The following TRMT11 variants were observed in gnomAD, a reference collection of about 807,000 sequenced individuals.
The protein encoded by TRMT11 is tRNA methyltransferase 11, also known as tRNA (guanine(10)-N(2))-methyltransferase TRMT11.
In TRMT11, 53 loss-of-function variants were observed where a neutral mutation model predicts 62.8. The ratio of observed to expected loss-of-function variants is 0.84; its 90% CI spans 0.68 to 1.06. The LOEUF is 1.06. Ranked by LOEUF, TRMT11 falls within the 50% of genes least tolerant of loss-of-function variation. The pLI, the probability that TRMT11 is intolerant of heterozygous loss-of-function variation, is 0.00. For missense variants in TRMT11, 556 were observed against 553.4 expected (o/e 1.00, Z -0.05); for synonymous variants, 188 against 190.3 (o/e 0.99, Z 0.10).
chr6:126,110,210 C>A (rs1777515361), intron 17 of TRMT11, among the ~76,000 whole-genome samples: 1 of 152,038 alleles, frequency 6.6e-6, no homozygotes, highest in African/African-American at 2.4e-5. Flanking sequence ...TTTTGGGGGG[C>A]ATTTAATGAA....
chr6:126,247,943 C>T, the TRMT11 span, among the ~76,000 whole-genome samples: 1,445 of 152,134 alleles, frequency 9.5e-3, 17 homozygotes, highest in African/African-American at 0.032. Context: ...AAGACCACAG[C>T]TATACAGAGG....
In TRMT11 at chr6:125,996,029, A is replaced by C. The variant is rs1214000033; in HGVS notation, c.201A>C (p.Thr67=). The C allele has an allele frequency of 1.9e-6, 3 of 1,608,946 alleles. No homozygotes were observed. Among genetic ancestry groups the C allele is most frequent in the Non-Finnish European group, 2.6e-6 (3 of 1,175,430 alleles). Residue 67 remains threonine, a synonymous_variant, in exon 3 of 13, where the codon ACA becomes ACC. Coordinates refer to ENST00000334379, the MANE Select transcript of TRMT11 (RefSeq NM_001031712.3). ...EDIARNLMKR[T]VCAKSIFELW... ...TTGCAAGAAATTTGATGAAACGGAC[A>C]GTGTGTGCCAAGTAAGAGAAACTTA...
At chr6:126,257,977 C>T in the TRMT11 span, 2 of 1,560,828 alleles carry the variant, frequency 1.3e-6, no homozygotes, top group Non-Finnish European at 1.8e-6. Flanking sequence ...TCCAGCAGGT[C>T]AGGGATGAAG....
At chr6:126,200,615 C>T (rs573399811) in intron 3 of TRMT11, among the ~76,000 whole-genome samples, 1 of 152,302 alleles carries the variant, frequency 6.6e-6, no homozygotes, top group African/African-American at 2.4e-5. Context: ...AGTGCAGTGG[C>T]ACAATCTCGG....
the TRMT11 span, among the ~76,000 whole-genome samples, chr6:126,249,656 A>T: frequency 2.6e-5 from 4 of 152,166 alleles, no homozygotes; most frequent in African/African-American, 9.6e-5. Flanking sequence ...CTTAATAAAT[A>T]AAAATATGCC....
rs1405474093 is a variant in TRMT11 at position 125,986,630 on chromosome 6, C to T, written c.72+8C>T. On this transcript the variant is annotated splice_region_variant and intron_variant, in intron 1 of 12. Coordinates refer to ENST00000334379, the MANE Select transcript of TRMT11 (RefSeq NM_001031712.3). ...CTGGAGTTCCGCCTGCCGGTGAGTC[C>T]GTAGCGCCCTCCGGAACTTCCGACG... The T allele has an allele frequency of 6.3e-7, 1 of 1,577,212 alleles. No homozygotes were observed. Among genetic ancestry groups the T allele is most frequent in the Non-Finnish European group, 8.6e-7 (1 of 1,162,958 alleles).
At chr6:126,258,270 G>C in the TRMT11 span, 1 of 531,896 alleles carries the variant, frequency 1.9e-6, no homozygotes, top group Non-Finnish European at 3.7e-6. Context: ...CTGGGGGGTG[G>C]GCTCTGAAAG....
At chr6:126,189,518 A>C (rs994645170) in intron 1 of TRMT11, among the ~76,000 whole-genome samples, 2 of 152,094 alleles carry the variant, frequency 1.3e-5, no homozygotes. Flanking sequence ...TTTCCCAATA[A>C]AATTTTATAG....
intron 11 of TRMT11, 91 bp downstream of exon 11, chr6:126,013,192 G>T (rs559078451): frequency 1.7e-6 from 2 of 1,171,008 alleles, no homozygotes; most frequent in Non-Finnish European, 2.4e-6. Flanking sequence ...CTTGCATTTG[G>T]TGCATCTTTA....
At chr6:126,188,913 C>G (rs1778559388) in intron 1 of TRMT11, among the ~76,000 whole-genome samples, 1 of 151,914 alleles carries the variant, frequency 6.6e-6, no homozygotes, top group Non-Finnish European at 1.5e-5. Context: ...CTATTATATT[C>G]AAATCAGCCA....
the TRMT11 span, among the ~76,000 whole-genome samples, chr6:126,231,234 AC>A: frequency 6.6e-6 from 1 of 151,942 alleles, no homozygotes; most frequent in African/African-American, 2.4e-5. Context: ...TTTTAATAGG[AC>A]CCCCCAAAAC....
intron 17 of TRMT11, among the ~76,000 whole-genome samples, chr6:126,063,896 C>G (rs531624422): frequency 3.9e-5 from 6 of 152,240 alleles, no homozygotes; most frequent in African/African-American, 1.4e-4. Flanking sequence ...GGTCGGAGAT[C>G]TAGGAGCAAG....
intron 12 of TRMT11, among the ~76,000 whole-genome samples, chr6:126,027,069 G>A (rs887812927): frequency 6.6e-6 from 1 of 152,126 alleles, no homozygotes; most frequent in Non-Finnish European, 1.5e-5. Flanking sequence ...GCCTCCCAAA[G>A]TGCTGGGATT....
chr6:126,102,586 C>A (rs928908235), intron 17 of TRMT11, among the ~76,000 whole-genome samples: 2 of 147,018 alleles, frequency 1.4e-5, no homozygotes, highest in South Asian at 2.1e-4. Flanking sequence ...TCTTTATTGT[C>A]GTAAAAGTGC....
chr6:126,084,479 A>C (rs968908482), intron 17 of TRMT11, among the ~76,000 whole-genome samples: 1 of 152,078 alleles, frequency 6.6e-6, no homozygotes, highest in Non-Finnish European at 1.5e-5. Context: ...ATTTTGGAAT[A>C]TTAACCCCTT....
the TRMT11 span, among the ~76,000 whole-genome samples, chr6:126,210,735 T>C: frequency 1.3e-5 from 2 of 152,338 alleles, no homozygotes; most frequent in East Asian, 1.9e-4. Flanking sequence ...ATCAAACTTA[T>C]GTTTGTTACT....
At chr6:126,074,191 A>G (rs2128144425) in intron 17 of TRMT11, among the ~76,000 whole-genome samples, 1 of 152,338 alleles carries the variant, frequency 6.6e-6, no homozygotes, top group South Asian at 2.1e-4. Flanking sequence ...AAATAATTTA[A>G]TAGTGAACAA....
chr6:126,214,304 G>A, the TRMT11 span, among the ~76,000 whole-genome samples: 1 of 151,982 alleles, frequency 6.6e-6, no homozygotes, highest in Non-Finnish European at 1.5e-5. Flanking sequence ...AGTTTATGTA[G>A]AATTGGTATT....
At chr6:125,996,075 C>A in intron 3 of TRMT11, 35 bp downstream of exon 3, 2 of 1,377,134 alleles carry the variant, frequency 1.5e-6, no homozygotes, top group Non-Finnish European at 1.0e-6. Context: ...CATGAATATA[C>A]TGGTACTTCT....
Sources: gnomAD v4.1 joint callset for allele counts (sites outside exome capture counted in the v4.1 genomes callset) on GRCh38, gnomAD v4.1.1 for gene constraint, MANE v1.5 for transcripts, NCBI Gene and HGNC (gene_info 2026-07-23, HGNC 2026-07-21) for gene names.